The following LRCH1 variants were observed in gnomAD, a reference collection of about 807,000 sequenced individuals.
LRCH1 encodes the protein leucine-rich repeat and calponin homology domain-containing protein 1.
LRCH1 carries 23 observed loss-of-function variants against 94.9 expected under a neutral mutation model. The ratio of observed to expected loss-of-function variants is 0.24; its 90% CI spans 0.17 to 0.34. The LOEUF (loss-of-function observed/expected upper bound fraction) is 0.34. Ranked by LOEUF, LRCH1 falls within the 10% of genes least tolerant of loss-of-function variation. The probability of loss-of-function intolerance (pLI) is 1.00; values close to 1 mark genes in which losing one functional copy is unlikely to be tolerated. For missense variants in LRCH1, 790 were observed against 945.9 expected, an observed-to-expected ratio of 0.84 and a Z score of 2.16; for synonymous variants, 364 against 354.9, an observed-to-expected ratio of 1.03 and a Z score of -0.29.
rs751179440 is a variant in LRCH1 at position 46,712,602 on chromosome 13, A to G, written c.1654+5A>G. The G allele has an allele frequency of 1.2e-5, 20 of 1,613,198 alleles. No individual in the cohort carries two copies. In the African/African-American group the frequency reaches 1.9e-4, roughly 15 times the overall value. On this transcript the variant is annotated splice_donor_5th_base_variant and intron_variant, in intron 15 of 19. Transcript: ENST00000389797. ...TTGGCCTGAAGCCTCGATCAGGTAA[A>G]TGAAAACCTCAGCCCATTCTTACAC...
chr13:46,679,357 A>G (rs957627635), intron 3 of LRCH1, among the ~76,000 whole-genome samples: 4 of 152,220 alleles, frequency 2.6e-5, no homozygotes, highest in Non-Finnish European at 1.5e-5. Context: ...GCTTTCATTG[A>G]AAGCATTTGA....
intron 2 of LRCH1, among the ~76,000 whole-genome samples, chr13:46,655,799 G>A (rs1454963542): frequency 2.6e-5 from 4 of 152,154 alleles, no homozygotes; most frequent in South Asian, 2.1e-4. Context: ...CAGCGTTAGC[G>A]GCTGCCAAGA....
intron 1 of LRCH1, among the ~76,000 whole-genome samples, chr13:46,582,149 C>CAAAAAAAA (rs11387752): frequency 9.6e-6 from 1 of 104,598 alleles, no homozygotes; most frequent in Non-Finnish European, 1.9e-5. Context: ...GACTCCATCT[C>CAAAAAAAA]AAAAAAAAAA....
intron 1 of LRCH1, among the ~76,000 whole-genome samples, chr13:46,582,370 CT>C (rs10686269): frequency 1.2e-3 from 97 of 79,598 alleles, no homozygotes; most frequent in African/African-American, 4.1e-3. Context: ...TTGCTCTCAT[CT>C]TTTTTTTTTT....
At chr13:46,683,266 G>A (rs923457416) in intron 4 of LRCH1, among the ~76,000 whole-genome samples, 2 of 152,180 alleles carry the variant, frequency 1.3e-5, no homozygotes, top group Non-Finnish European at 2.9e-5. Context: ...GAAAGGGAAA[G>A]AACTTTGCAA....
chr13:46,582,149 C>CAAAAAAAAAA (rs11387752), intron 1 of LRCH1, among the ~76,000 whole-genome samples: 1 of 104,594 alleles, frequency 9.6e-6, no homozygotes. Context: ...GACTCCATCT[C>CAAAAAAAAAA]AAAAAAAAAA....
At chr13:46,731,779 A>G (rs955217584) in intron 18 of LRCH1, among the ~76,000 whole-genome samples, 1 of 152,030 alleles carries the variant, frequency 6.6e-6, no homozygotes, top group Non-Finnish European at 1.5e-5. Context: ...CAGCACAGGC[A>G]GCTCCCTCTG....
intron 1 of LRCH1, among the ~76,000 whole-genome samples, chr13:46,622,389 G>A (rs574466639): frequency 6.6e-6 from 1 of 152,228 alleles, no homozygotes; most frequent in Admixed American, 6.5e-5. Context: ...GCTTGGGTGG[G>A]TGTAATTTGC....
chr13:46,599,286 A>C (rs2050600497), intron 1 of LRCH1, among the ~76,000 whole-genome samples: 1 of 152,210 alleles, frequency 6.6e-6, no homozygotes, highest in South Asian at 2.1e-4. Flanking sequence ...ACTATTGTGA[A>C]TAATGCTGCC....
chr13:46,608,738 G>T (rs992184460), intron 1 of LRCH1, among the ~76,000 whole-genome samples: 2 of 152,148 alleles, frequency 1.3e-5, no homozygotes, highest in Non-Finnish European at 2.9e-5. Flanking sequence ...TTAATAATGT[G>T]CAGTCTTTAA....
In LRCH1 at chr13:46,553,620, G is replaced by A. The variant is rs1165740967; in HGVS notation, c.224G>A (p.Gly75Glu). Residue 75 changes from glycine to glutamate, a missense_variant, in exon 1 of 20, where the codon GGG becomes GAG. Around this residue, in one of 3 missense-constraint regions of LRCH1, gnomAD observed 136 missense variants for 143.5 expected, o/e 0.95. Transcript: ENST00000389797. ...CTTGAGGAGGCGGCCAACTCCGGGG[G>A]GCTGAACCTGAGCGCCAGGAAATTG... ...RALEEAANSG[G>E]LNLSARKLKE... 2.5e-6 allele frequency: 4 copies of A among 1,581,948 alleles called. No individual in the cohort carries two copies. The African/African-American group carries it at 4.1e-5, about 16-fold the overall frequency.
chr13:46,696,132 G>A (rs1489730641), intron 9 of LRCH1, among the ~76,000 whole-genome samples: 2 of 151,098 alleles, frequency 1.3e-5, no homozygotes, highest in African/African-American at 4.9e-5. Context: ...ATTACTTCAG[G>A]CACCACCCCG....
At chr13:46,750,829 A>T (rs1321864587) in exon 19 of LRCH1, 7 of 480,276 alleles carry the variant, frequency 1.5e-5, no homozygotes, top group Non-Finnish European at 2.6e-5. Context: ...CTGACCTCCG[A>T]CTTTAAGACT....
intron 10 of LRCH1, among the ~76,000 whole-genome samples, chr13:46,699,840 T>A (rs1313950949): frequency 6.6e-6 from 1 of 152,228 alleles, no homozygotes; most frequent in East Asian, 1.9e-4. Context: ...AGCTACCATT[T>A]ATTCAACATC....
At chr13:46,700,875 G>A (rs1021478260) in intron 10 of LRCH1, among the ~76,000 whole-genome samples, 1 of 152,154 alleles carries the variant, frequency 6.6e-6, no homozygotes, top group African/African-American at 2.4e-5. Context: ...AGTTAGGGGT[G>A]CACAGGCATG....
chr13:46,558,342 G>A (rs558991999), intron 1 of LRCH1, among the ~76,000 whole-genome samples: 12 of 152,094 alleles, frequency 7.9e-5, no homozygotes, highest in Admixed American at 1.3e-4. Context: ...TGATAGCAGA[G>A]GTAGGATTTG....
At chr13:46,700,971 A>G in intron 10 of LRCH1, 150 bp from the exon 11 acceptor site, 1 of 593,304 alleles carries the variant, frequency 1.7e-6, no homozygotes, top group Non-Finnish European at 3.0e-6. Context: ...CCACCCCACA[A>G]GGTACAAACA....
intron 9 of LRCH1, among the ~76,000 whole-genome samples, chr13:46,698,557 C>T (rs1029809275): frequency 6.6e-6 from 1 of 152,152 alleles, no homozygotes; most frequent in African/African-American, 2.4e-5. Context: ...AAGAATGTTA[C>T]ACTTTCTCTT....
intron 1 of LRCH1, among the ~76,000 whole-genome samples, chr13:46,629,171 C>T (rs1566186775): frequency 1.1e-4 from 16 of 152,144 alleles, no homozygotes. Flanking sequence ...TGCCTAGGGG[C>T]AAAATCAGTG....
Sources: gnomAD v4.1 joint callset for allele counts (sites outside exome capture counted in the v4.1 genomes callset) on GRCh38, gnomAD v4.1.1 for gene constraint, gnomAD v4.1.1 regional missense constraint, MANE v1.5 for transcripts, NCBI Gene and HGNC (gene_info 2026-07-23, HGNC 2026-07-21) for gene names.